SNTB1: variants seen among roughly 807,000 people sequenced by gnomAD.
The protein encoded by SNTB1 is syntrophin beta 1.
In SNTB1, 36 loss-of-function variants were observed where a neutral mutation model predicts 48.9. That is an observed-to-expected ratio of 0.74 (90% CI 0.56 to 0.97). The LOEUF (loss-of-function observed/expected upper bound fraction) is 0.97. Ranked by LOEUF, SNTB1 falls within the 50% of genes least tolerant of loss-of-function variation. The pLI, the probability that SNTB1 is intolerant of heterozygous loss-of-function variation, is 0.00. For synonymous variants in SNTB1, 299 were observed against 294.6 expected, an observed-to-expected ratio of 1.01 and a Z score of -0.15; for missense variants, 786 against 703.4, an observed-to-expected ratio of 1.12 and a Z score of -1.33.
chr8:120,797,714 G>A (rs1162167495), intron 1 of SNTB1, among the ~76,000 whole-genome samples: 4 of 151,808 alleles, frequency 2.6e-5, no homozygotes, highest in South Asian at 2.1e-4. Flanking sequence ...CAAACAGTTC[G>A]TAATAAGAGT....
chr8:120,586,858 T>A (rs1816151655), intron 3 of SNTB1, among the ~76,000 whole-genome samples: 1 of 152,202 alleles, frequency 6.6e-6, no homozygotes, highest in Non-Finnish European at 1.5e-5. Flanking sequence ...AGAAGGTAGA[T>A]AAAATAGTGA....
chr8:120,805,144 C>T (rs969812208), intron 1 of SNTB1, among the ~76,000 whole-genome samples: 37 of 152,104 alleles, frequency 2.4e-4, no homozygotes, highest in Admixed American at 2.3e-3. Flanking sequence ...TATAAAGGTG[C>T]GGTTCATCAT....
chr8:120,639,594 T>G (rs1453447695), intron 2 of SNTB1, among the ~76,000 whole-genome samples: 2 of 152,228 alleles, frequency 1.3e-5, no homozygotes, highest in African/African-American at 2.4e-5. Flanking sequence ...GCTTTCTACA[T>G]ATGGCTAGCC....
At chr8:120,633,643 A>G (rs1191363958) in intron 2 of SNTB1, among the ~76,000 whole-genome samples, 1 of 152,134 alleles carries the variant, frequency 6.6e-6, no homozygotes, top group Non-Finnish European at 1.5e-5. Flanking sequence ...TAAAAATAAA[A>G]GTCCAACACC....
intron 5 of SNTB1, 152 bp from the exon 6 acceptor site, chr8:120,542,152 C>A (rs1160626345): frequency 5.0e-6 from 3 of 598,664 alleles, no homozygotes; most frequent in African/African-American, 3.7e-5. Context: ...TGAAAATATT[C>A]TGTTTGGATT....
intron 1 of SNTB1, among the ~76,000 whole-genome samples, chr8:120,786,847 G>A (rs1819930814): frequency 1.3e-5 from 2 of 152,128 alleles, no homozygotes; most frequent in Non-Finnish European, 2.9e-5. Flanking sequence ...AGGGTAATGT[G>A]TTTGTCCACC....
At position 120,811,455 on chromosome 8, in the gene SNTB1, C is replaced by T. The variant is rs1197960077; in HGVS notation, c.389G>A (p.Gly130Asp). ...GAGGATGGGCATCTTGTTCTCCTTG[C>T]CCCCCTTGATGCTGATCCCCAGCCC... is the stretch of plus-strand genomic sequence containing the variant. Reference protein sequence around the residue: ...LGGLGISIKGGKENKMPILIS... With the variant: ...LGGLGISIKGDKENKMPILIS... Residue 130 changes from glycine to aspartate, a missense_variant, in exon 1 of 7, where the codon GGC (glycine) becomes GAC (aspartate). Physicochemically the swap from Gly to Asp is moderately conservative, Grantham distance 94 (BLOSUM62 -1). Transcript: ENST00000517992. The T allele has an allele frequency of 6.2e-7, 1 of 1,613,914 alleles. No homozygotes were observed. Among genetic ancestry groups the T allele is most frequent in the Non-Finnish European group, 8.5e-7 (1 of 1,179,866 alleles).
chr8:120,733,730 T>C (rs1042552193), intron 1 of SNTB1, among the ~76,000 whole-genome samples: 9 of 152,360 alleles, frequency 5.9e-5, no homozygotes, highest in Non-Finnish European at 1.3e-4. Flanking sequence ...AAGTTGATTA[T>C]ATAATTTCAC....
At position 120,635,829 on chromosome 8, in the gene SNTB1, T is replaced by C; in HGVS notation, c.789-3178A>G. 4 of 319,578 alleles carry C rather than the reference T, an allele frequency of 1.3e-5. No homozygotes were observed. The South Asian group carries it at 1.5e-4, about 12-fold the overall frequency. 19.8% of individuals were successfully genotyped at this position (319,578 alleles called of 1,614,324 possible). On this transcript the variant is annotated intron_variant, in intron 2 of 6. Coordinates refer to ENST00000517992, the MANE Select transcript of SNTB1 (RefSeq NM_021021.4). ...CCTAAGAAGAGTCATATGTACTTCCTTATTCTTTTCATCTTCATTTTGAAA... is the reference window on the plus strand; with the variant it reads ...CCTAAGAAGAGTCATATGTACTTCCCTATTCTTTTCATCTTCATTTTGAAA...
chr8:120,607,673 C>A (rs1816546917), intron 3 of SNTB1, among the ~76,000 whole-genome samples: 1 of 152,112 alleles, frequency 6.6e-6, no homozygotes, highest in Non-Finnish European at 1.5e-5. Context: ...CTGAAAGCCA[C>A]TGATGCAAGA....
chr8:120,566,259 G>A (rs1586998189), intron 4 of SNTB1, among the ~76,000 whole-genome samples: 1 of 150,208 alleles, frequency 6.7e-6, no homozygotes, highest in South Asian at 2.1e-4. Context: ...AACCCGGGAG[G>A]TGGAGGATGC....
At chr8:120,615,892 A>T (rs1816706633) in intron 3 of SNTB1, among the ~76,000 whole-genome samples, 1 of 151,900 alleles carries the variant, frequency 6.6e-6, no homozygotes. Context: ...CTCTTTAAAA[A>T]CTAACTGTTC....
In SNTB1 at chr8:120,589,772, G is replaced by A. The variant is rs1307929112; in HGVS notation, c.997-14547C>T. ...ATGACCCCTCATAACCTAATGACCC[G>A]CCCTCATGACATAATTACCCTTATG... is the stretch of plus-strand genomic sequence containing the variant. On this transcript the variant is annotated intron_variant, in intron 3 of 6. Coordinates refer to ENST00000517992, the MANE Select transcript of SNTB1 (RefSeq NM_021021.4). 4.6e-5 allele frequency among the ~76,000 whole-genome samples: 7 copies of A among 151,930 alleles called. No individual in the cohort carries two copies. The East Asian group carries it at 1.2e-3, about 25-fold the overall frequency.
At chr8:120,541,239 A>G (rs1234715041) in intron 6 of SNTB1, 1 of 152,346 alleles carries the variant, frequency 6.6e-6, no homozygotes, top group African/African-American at 2.4e-5. Flanking sequence ...TTTAACGGAT[A>G]AATTTGCTAA....
intron 3 of SNTB1, among the ~76,000 whole-genome samples, chr8:120,579,979 C>T (rs1372986943): frequency 6.6e-6 from 1 of 152,166 alleles, no homozygotes; most frequent in Non-Finnish European, 1.5e-5. Flanking sequence ...GCAAGAATTA[C>T]TTGCCTTTGC....
chr8:120,650,638 A>G (rs941616892), intron 2 of SNTB1, among the ~76,000 whole-genome samples: 9 of 152,174 alleles, frequency 5.9e-5, no homozygotes, highest in South Asian at 2.1e-4. Context: ...TCATGGGGTG[A>G]TTTTATACCT....
chr8:120,807,285 C>T (rs1041640806), intron 1 of SNTB1, among the ~76,000 whole-genome samples: 4 of 152,196 alleles, frequency 2.6e-5, no homozygotes, highest in Non-Finnish European at 5.9e-5. Context: ...GAGCAAAAAA[C>T]TCCTCTGTCC....
chr8:120,772,164 G>A (rs748346781), intron 1 of SNTB1, among the ~76,000 whole-genome samples: 11 of 151,414 alleles, frequency 7.3e-5, no homozygotes, highest in East Asian at 2.0e-4. Context: ...CCACTGCACC[G>A]ACCTGTATCT....
chr8:120,575,962 C>G (rs902375027), intron 3 of SNTB1, among the ~76,000 whole-genome samples: 1 of 152,182 alleles, frequency 6.6e-6, no homozygotes, highest in Admixed American at 6.5e-5. Context: ...TTGCCCTTCC[C>G]AAACTTCCTA....
Sources: allele counts gnomAD v4.1 joint callset (sites outside exome capture counted in the v4.1 genomes callset), GRCh38; gene constraint gnomAD v4.1.1; transcripts MANE v1.5; gene names NCBI Gene and HGNC (gene_info 2026-07-23, HGNC 2026-07-21).